The following PDE3A variants were observed in gnomAD, a reference collection of about 807,000 sequenced individuals.
PDE3A encodes phosphodiesterase 3A, also known as cGMP-inhibited 3',5'-cyclic phosphodiesterase 3A.
Under a neutral mutation model 98.3 loss-of-function variants are expected in PDE3A, and 43 were observed. The observed-to-expected ratio is 0.44, with a 90% CI of 0.34 to 0.56. The LOEUF (loss-of-function observed/expected upper bound fraction) is 0.56. Among genes scored for constraint, PDE3A ranks in the 20% least tolerant of loss-of-function variants. The probability of loss-of-function intolerance (pLI) is 0.01; values close to 1 mark genes in which losing one functional copy is unlikely to be tolerated. For synonymous variants in PDE3A, 663 were observed against 567.9 expected (o/e 1.17, Z -2.38); for missense variants, 1,427 against 1,440.7 (o/e 0.99, Z 0.15).
chr12:20,528,518 A>G (rs960080022), intron 1 of PDE3A, among the ~76,000 whole-genome samples: 4 of 152,226 alleles, frequency 2.6e-5, no homozygotes, highest in Admixed American at 1.3e-4. Context: ...TCCTTTTAGC[A>G]TGGTTCTTTG....
At chr12:20,457,802 A>T (rs991076755) in intron 1 of PDE3A, among the ~76,000 whole-genome samples, 26 of 148,654 alleles carry the variant, frequency 1.7e-4, no homozygotes, top group African/African-American at 6.5e-4. Context: ...AAATTTTTTT[A>T]AAAAGAACTG....
intron 1 of PDE3A, among the ~76,000 whole-genome samples, chr12:20,452,173 G>A (rs1459292434): frequency 6.6e-6 from 1 of 152,190 alleles, no homozygotes; most frequent in Non-Finnish European, 1.5e-5. Context: ...CATCAGACTA[G>A]TTCTCATCAT....
chr12:20,637,370 T>C, intron 9 of PDE3A, 133 bp downstream of exon 9: 1 of 553,238 alleles, frequency 1.8e-6, no homozygotes, highest in Non-Finnish European at 3.1e-6. Context: ...CACAACATTC[T>C]GTAGATTCCT....
intron 1 of PDE3A, among the ~76,000 whole-genome samples, chr12:20,454,020 T>C (rs1257267551): frequency 6.6e-6 from 1 of 152,158 alleles, no homozygotes; most frequent in African/African-American, 2.4e-5. Context: ...AGAAGAAAAT[T>C]TGACATTCTT....
chr12:20,405,014 T>C (rs1303312913), intron 1 of PDE3A, among the ~76,000 whole-genome samples: 3 of 152,048 alleles, frequency 2.0e-5, no homozygotes, highest in South Asian at 4.2e-4. Flanking sequence ...GACTGCTTTA[T>C]TGAGAGAGAG....
chr12:20,389,921 A>G (rs1020075320), intron 1 of PDE3A, among the ~76,000 whole-genome samples: 6 of 151,902 alleles, frequency 3.9e-5, no homozygotes, highest in Non-Finnish European at 8.8e-5. Flanking sequence ...TCAGTACAAT[A>G]TAAAGAATGT....
rs549240766 is a variant in PDE3A, at chr12:20,439,496, AAAATG to A, written c.960+69260_960+69264del. Among the ~76,000 whole-genome samples the A allele has an allele frequency of 2.0e-3, 298 of 152,304 alleles. 1 individual carries two copies. The highest frequency in any genetic ancestry group is 0.015 in the South Asian group (73 of 4,828). On this transcript the variant is annotated intron_variant, in intron 1 of 15. Transcript: ENST00000359062. ...TAAATTTCTACGGTAGCATTTGAGG[AAAATG>A]AAATGAACTCCATTTGATATATGAC...
chr12:20,425,659 A>C (rs1944591215), intron 1 of PDE3A, among the ~76,000 whole-genome samples: 1 of 152,116 alleles, frequency 6.6e-6, no homozygotes, highest in Admixed American at 6.6e-5. Flanking sequence ...ATTGTCTATA[A>C]CCTATTTCTG....
At chr12:20,610,201 G>C (rs1057286699) in intron 2 of PDE3A, among the ~76,000 whole-genome samples, 1 of 151,828 alleles carries the variant, frequency 6.6e-6, no homozygotes, top group Non-Finnish European at 1.5e-5. Context: ...TAACACAATA[G>C]GGGAAAAATA....
intron 15 of PDE3A, among the ~76,000 whole-genome samples, chr12:20,667,571 T>A (rs1945348137): frequency 6.6e-6 from 1 of 152,212 alleles, no homozygotes; most frequent in East Asian, 1.9e-4. Flanking sequence ...TTGTCATAAA[T>A]CAGTTGGCTA....
At chr12:20,446,003 A>G (rs775800971) in intron 1 of PDE3A, among the ~76,000 whole-genome samples, 1 of 152,178 alleles carries the variant, frequency 6.6e-6, no homozygotes, top group Non-Finnish European at 1.5e-5. Flanking sequence ...GCATGGAAAC[A>G]TGACATTTGG....
At chr12:20,475,655 C>G (rs780330071) in intron 1 of PDE3A, among the ~76,000 whole-genome samples, 1 of 152,032 alleles carries the variant, frequency 6.6e-6, no homozygotes, top group Non-Finnish European at 1.5e-5. Context: ...GATTGAACCT[C>G]GGAGGCAGAG....
chr12:20,528,472 G>C (rs1392362529), intron 1 of PDE3A, among the ~76,000 whole-genome samples: 2 of 152,204 alleles, frequency 1.3e-5, no homozygotes, highest in Non-Finnish European at 2.9e-5. Flanking sequence ...CAAGGTAAAT[G>C]AATGAAAGCT....
intron 1 of PDE3A, among the ~76,000 whole-genome samples, chr12:20,453,811 C>T (rs1443805999): frequency 6.6e-6 from 1 of 152,040 alleles, no homozygotes; most frequent in Non-Finnish European, 1.5e-5. Context: ...TTTATTCCAC[C>T]TGACTTCAAA....
intron 1 of PDE3A, among the ~76,000 whole-genome samples, chr12:20,480,791 C>T (rs945006663): frequency 6.6e-6 from 1 of 152,174 alleles, no homozygotes; most frequent in African/African-American, 2.4e-5. Context: ...TATCTTTTCA[C>T]AAAGATAAGT....
intron 1 of PDE3A, among the ~76,000 whole-genome samples, chr12:20,496,161 A>C (rs1414033275): frequency 6.6e-6 from 1 of 152,194 alleles, no homozygotes; most frequent in East Asian, 1.9e-4. Context: ...TTCTGTGCAC[A>C]CTATCTGTCT....
At chr12:20,469,177 G>A (rs11045270) in intron 1 of PDE3A, among the ~76,000 whole-genome samples, 43,611 of 151,994 alleles carry the variant, frequency 0.29, 7,973 homozygotes, top group East Asian at 0.65. Context: ...AGACATATTT[G>A]TTCATATTTA....
chr12:20,646,710 C>T (rs772374803), intron 11 of PDE3A, 41 bp from the exon 12 acceptor site: 60 of 1,488,082 alleles, frequency 4.0e-5, no homozygotes, highest in Non-Finnish European at 5.2e-5. Context: ...AATGTCAGTA[C>T]TTTTTTAAAA....
At chr12:20,643,275 T>C (rs964454102) in intron 10 of PDE3A, among the ~76,000 whole-genome samples, 4 of 152,222 alleles carry the variant, frequency 2.6e-5, no homozygotes, top group African/African-American at 7.2e-5. Flanking sequence ...CCTTCTCAGT[T>C]GCCTACCCTG....
Sources: allele counts gnomAD v4.1 joint callset (sites outside exome capture counted in the v4.1 genomes callset), GRCh38; gene constraint gnomAD v4.1.1; transcripts MANE v1.5; gene names NCBI Gene and HGNC (gene_info 2026-07-23, HGNC 2026-07-21).